The following ZFPM2 variants were observed in gnomAD, a reference collection of about 807,000 sequenced individuals.
ZFPM2 encodes the protein zinc finger protein, FOG family member 2, also known as zinc finger protein ZFPM2.
A neutral mutation model predicts 98.6 loss-of-function variants in ZFPM2; 20 were observed. The observed-to-expected ratio is 0.20, with a 90% CI of 0.14 to 0.29. ZFPM2 has a LOEUF of 0.29. ZFPM2 is among the 10% of genes least tolerant of loss of function. The pLI, the probability that ZFPM2 is intolerant of heterozygous loss-of-function variation, is 1.00. For synonymous variants in ZFPM2, 518 were observed against 502.7 expected (o/e 1.03, Z -0.41); for missense variants, 1,310 against 1,388.6 (o/e 0.94, Z 0.90).
In ZFPM2 at chr8:105,499,212, C is replaced by T. The variant is rs532008968; in HGVS notation, c.301+54831C>T. 2.0e-5 allele frequency among the ~76,000 whole-genome samples: 3 copies of T among 148,864 alleles called. No individual in the cohort carries two copies. The South Asian group carries it at 6.4e-4, about 32-fold the overall frequency. On this transcript the variant is annotated intron_variant, in intron 3 of 7. Coordinates refer to ENST00000407775, the MANE Select transcript of ZFPM2 (RefSeq NM_012082.4). ...ACTCTTTTTTCTGCCACAATTCAGG[C>T]AATGCGACGTCAGTTTAAGGGCATC...
At chr8:105,594,651 C>T (rs1815929194) in intron 4 of ZFPM2, among the ~76,000 whole-genome samples, 2 of 152,064 alleles carry the variant, frequency 1.3e-5, no homozygotes, top group Admixed American at 1.3e-4. Flanking sequence ...TCAAAAAGCG[C>T]AAAGCTAATT....
intron 5 of ZFPM2, among the ~76,000 whole-genome samples, chr8:105,637,818 A>T (rs1213131322): frequency 6.6e-6 from 1 of 152,132 alleles, no homozygotes; most frequent in East Asian, 1.9e-4. Context: ...CGTTTTGAAG[A>T]TGGAAGGGTT....
intron 2 of ZFPM2, among the ~76,000 whole-genome samples, chr8:105,422,826 C>T (rs1811831172): frequency 6.6e-6 from 1 of 152,072 alleles, no homozygotes; most frequent in Admixed American, 6.6e-5. Context: ...TTAGCAACTG[C>T]ATTTTATATA....
intron 3 of ZFPM2, among the ~76,000 whole-genome samples, chr8:105,446,056 G>T (rs1303189356): frequency 6.6e-6 from 1 of 151,992 alleles, no homozygotes; most frequent in South Asian, 2.1e-4. Context: ...AAGTAGCTGG[G>T]ACTACAGGCA....
intron 1 of ZFPM2, 52 bp downstream of exon 1, chr8:105,319,033 G>T: frequency 2.0e-6 from 3 of 1,468,666 alleles, no homozygotes; most frequent in Non-Finnish European, 2.7e-6. Flanking sequence ...CCAGGAGCGG[G>T]GTGCGCGGGA....
At chr8:105,368,444 G>A (rs1296987447) in intron 1 of ZFPM2, among the ~76,000 whole-genome samples, 1 of 152,092 alleles carries the variant, frequency 6.6e-6, no homozygotes, top group East Asian at 1.9e-4. Context: ...TTTCCACTTT[G>A]AGCCCAATCA....
At chr8:105,392,198 C>A (rs1811122897) in intron 1 of ZFPM2, among the ~76,000 whole-genome samples, 1 of 152,150 alleles carries the variant, frequency 6.6e-6, no homozygotes, top group South Asian at 2.1e-4. Flanking sequence ...TAGGTCTCAA[C>A]AGAGGGCTTG....
chr8:105,783,100 T>C (rs538591871), intron 5 of ZFPM2, among the ~76,000 whole-genome samples: 14 of 152,202 alleles, frequency 9.2e-5, no homozygotes, highest in African/African-American at 3.4e-4. Flanking sequence ...GTGAACTCCT[T>C]CTTAGCAGCA....
At chr8:105,560,227 T>C (rs1424059373) in intron 3 of ZFPM2, among the ~76,000 whole-genome samples, 1 of 151,844 alleles carries the variant, frequency 6.6e-6, no homozygotes, top group African/African-American at 2.4e-5. Context: ...TATTCTATTT[T>C]CCTCAGCTTT....
chr8:105,610,148 C>G (rs1242902900), intron 4 of ZFPM2, among the ~76,000 whole-genome samples: 1 of 152,102 alleles, frequency 6.6e-6, no homozygotes, highest in Non-Finnish European at 1.5e-5. Flanking sequence ...AAGGGTTAAT[C>G]AGATTTTCAT....
intron 5 of ZFPM2, among the ~76,000 whole-genome samples, chr8:105,731,453 A>G (rs187433875): frequency 6.3e-4 from 96 of 151,788 alleles, no homozygotes; most frequent in Non-Finnish European, 1.2e-3. Flanking sequence ...ATTGCATTGA[A>G]TTGAAAGGCA....
In ZFPM2 at chr8:105,506,521, G is replaced by A. The variant is rs75320714; in HGVS notation, c.302-54842G>A. On this transcript the variant is annotated intron_variant, in intron 3 of 7. Coordinates refer to ENST00000407775, the MANE Select transcript of ZFPM2 (RefSeq NM_012082.4). ...CCAACCTTGCTCAAAGATACCTTCC[G>A]TCGGGAACACAATATTTTGTTTTAT... Among the ~76,000 whole-genome samples the A allele has an allele frequency of 2.7e-3, 412 of 152,088 alleles. 5 individuals are homozygous for A. The highest frequency in any genetic ancestry group is 2.0e-3 in the Non-Finnish European group (135 of 68,010).
chr8:105,388,344 G>T (rs1811042773), intron 1 of ZFPM2, among the ~76,000 whole-genome samples: 2 of 152,110 alleles, frequency 1.3e-5, no homozygotes, highest in Non-Finnish European at 2.9e-5. Context: ...GATGGGGTTG[G>T]GGGAGGGAGA....
chr8:105,357,324 T>G (rs1473577696), intron 1 of ZFPM2, among the ~76,000 whole-genome samples: 1 of 152,206 alleles, frequency 6.6e-6, no homozygotes, highest in Non-Finnish European at 1.5e-5. Context: ...GTTTGACACA[T>G]TTTCTGTATT....
At chr8:105,705,293 T>G (rs748212739) in intron 5 of ZFPM2, among the ~76,000 whole-genome samples, 2 of 152,056 alleles carry the variant, frequency 1.3e-5, no homozygotes, top group Non-Finnish European at 2.9e-5. Flanking sequence ...CAAATAAGAT[T>G]AAGTTTAAGA....
At chr8:105,511,673 T>G (rs908415251) in intron 3 of ZFPM2, among the ~76,000 whole-genome samples, 1 of 152,214 alleles carries the variant, frequency 6.6e-6, no homozygotes, top group Non-Finnish European at 1.5e-5. Context: ...TACCAAAAAG[T>G]GAAATGATCT....
intron 5 of ZFPM2, among the ~76,000 whole-genome samples, chr8:105,695,831 TTC>T (rs1351809562): frequency 6.6e-6 from 1 of 152,198 alleles, no homozygotes; most frequent in East Asian, 1.9e-4. Flanking sequence ...TCATTTTTTC[TTC>T]TCTTTTCTAA....
chr8:105,323,955 T>G (rs1048038238), intron 1 of ZFPM2, among the ~76,000 whole-genome samples: 10 of 151,882 alleles, frequency 6.6e-5, no homozygotes, highest in African/African-American at 2.4e-4. Flanking sequence ...ACTATCAAGT[T>G]TAATATTATA....
intron 3 of ZFPM2, among the ~76,000 whole-genome samples, chr8:105,459,718 G>T (rs186631232): frequency 6.8e-4 from 104 of 152,158 alleles, no homozygotes; most frequent in African/African-American, 2.4e-3. Context: ...TTCTTACATG[G>T]ATAGCATTCC....
Sources: gnomAD v4.1 joint callset for allele counts (sites outside exome capture counted in the v4.1 genomes callset) on GRCh38, gnomAD v4.1.1 for gene constraint, MANE v1.5 for transcripts, NCBI Gene and HGNC (gene_info 2026-07-23, HGNC 2026-07-21) for gene names.